Variants in ARIH1 observed in about 807,000 individuals in gnomAD.
ARIH1 encodes E3 ubiquitin-protein ligase ARIH1.
Under a neutral mutation model 85.0 loss-of-function variants are expected in ARIH1, and 8 were observed. The observed-to-expected ratio is 0.09, with a 90% CI of 0.06 to 0.17. The LOEUF is 0.17. ARIH1 is among the 10% of genes least tolerant of loss of function. The pLI, the probability that ARIH1 is intolerant of heterozygous loss-of-function variation, is 1.00. For synonymous variants in ARIH1, 238 were observed against 253.6 expected (o/e 0.94, Z 0.59); for missense variants, 311 against 718.1 (o/e 0.43, Z 6.48).
chr15:72,584,117 T>A lies in ARIH1; in HGVS notation c.*825T>A, dbSNP rs1463639506. The A allele has an allele frequency of 6.6e-6, 1 of 152,196 alleles. No individual in the cohort carries two copies. The highest frequency in any genetic ancestry group is 1.5e-5 in the Non-Finnish European group (1 of 68,050). The allele number at this position is 152,196 out of a possible 1,614,324, so 9.4% of individuals were successfully genotyped here. On this transcript the variant is annotated 3_prime_UTR_variant, in exon 14 of 14. Coordinates refer to ENST00000379887, the MANE Select transcript of ARIH1 (RefSeq NM_005744.5). ...TCTGGAAGACCTATCTAGAGCTCTT[T>A]CACTTTCCTGAGGTTATTTTGCCCT... is the stretch of plus-strand genomic sequence containing the variant.
Position 72,478,334 on chromosome 15 carries a change from C to A in ARIH1, c.375+3320C>A, listed in dbSNP as rs1261347721. Among the ~76,000 whole-genome samples, 5 of 150,052 alleles carry A rather than the reference C, an allele frequency of 3.3e-5. 1 individual carries two copies. The South Asian group carries it at 1.1e-3, about 32-fold the overall frequency. On this transcript the variant is annotated intron_variant, in intron 1 of 13. Transcript: ENST00000379887. ...GTTTCACCATGTTGGCCAGGCTGGT[C>A]TTGAACTCCTGAACCCAGGTGATCC...
Position 72,517,391 on chromosome 15 carries a change from C to T in ARIH1, c.376-676C>T, listed in dbSNP as rs570251405. ...GGTTAGGACTATAGGCACATGCGAT[C>T]GTGCCTGAGTGTTGGAAATTTTCCT... is the stretch of plus-strand genomic sequence containing the variant. On this transcript the variant is annotated intron_variant, in intron 1 of 13. Transcript: ENST00000379887. 7.2e-5 allele frequency among the ~76,000 whole-genome samples: 11 copies of T among 152,092 alleles called. No individual in the cohort carries two copies. The South Asian group carries it at 1.7e-3, about 23-fold the overall frequency.
chr15:72,545,706 A>G (rs559102629), intron 3 of ARIH1, among the ~76,000 whole-genome samples: 16 of 152,222 alleles, frequency 1.1e-4, no homozygotes, highest in Non-Finnish European at 1.6e-4. Context: ...GTGCATGTCT[A>G]TAATCCCAGC....
chr15:72,476,125 T>C (rs2063794018), intron 1 of ARIH1, among the ~76,000 whole-genome samples: 1 of 152,258 alleles, frequency 6.6e-6, no homozygotes, highest in Admixed American at 6.5e-5. Flanking sequence ...GTTGGCTAAA[T>C]ATTCATTGAC....
chr15:72,560,671 G>C (rs1264330774), intron 5 of ARIH1, among the ~76,000 whole-genome samples: 1 of 152,172 alleles, frequency 6.6e-6, no homozygotes, highest in Admixed American at 6.6e-5. Flanking sequence ...ATACGAATGT[G>C]ATAGGAGTGC....
In ARIH1 at chr15:72,529,255, T is replaced by G. The variant is rs10438369; in HGVS notation, c.443+11121T>G. 4.4e-3 allele frequency among the ~76,000 whole-genome samples: 676 copies of G among 152,244 alleles called. 7 individuals are homozygous for G. The highest frequency in any genetic ancestry group is 0.016 in the African/African-American group (651 of 41,558). The stretch of plus-strand genomic sequence containing the variant: ...TAGTACAGTGATTAAGAACACAGAA[T>G]TCTTGCTCCCCCTATCTCACTATCT... On this transcript the variant is annotated intron_variant, in intron 2 of 13. Transcript: ENST00000379887.
At position 72,588,625 on chromosome 15, in the gene ARIH1, G is replaced by A. The variant is rs1378540056; in HGVS notation, c.*5333G>A. 2 of 152,284 alleles carry A rather than the reference G, an allele frequency of 1.3e-5. No individual in the cohort carries two copies. Among genetic ancestry groups the A allele is most frequent in the African/African-American group, 4.8e-5 (2 of 41,558 alleles). 9.4% of individuals were successfully genotyped at this position (152,284 alleles called of 1,614,324 possible). On this transcript the variant is annotated 3_prime_UTR_variant, in exon 14 of 14. Transcript: ENST00000379887. ...CAAAATGATTCAAGGCAAATTGACT[G>A]GCTCAGAATAGGGCCTCACTGGAGG...
chr15:72,576,609 T>C (rs1273509535), intron 11 of ARIH1, among the ~76,000 whole-genome samples: 2 of 152,118 alleles, frequency 1.3e-5, no homozygotes, highest in Admixed American at 1.3e-4. Context: ...CTTTATCTTT[T>C]TAAAAGTCCA....
At chr15:72,485,958 A>C (rs1185376327) in intron 1 of ARIH1, among the ~76,000 whole-genome samples, 1 of 152,206 alleles carries the variant, frequency 6.6e-6, no homozygotes, top group Non-Finnish European at 1.5e-5. Context: ...TTTGGGGCCC[A>C]TGGAGATAGT....
intron 2 of ARIH1, among the ~76,000 whole-genome samples, chr15:72,539,966 A>G (rs1269638026): frequency 6.6e-6 from 1 of 152,206 alleles, no homozygotes; most frequent in African/African-American, 2.4e-5. Flanking sequence ...GCTACATGAT[A>G]TAAAAACAAT....
Position 72,474,721 on chromosome 15 carries a change from G to A in ARIH1, c.82G>A (p.Glu28Lys). ...GGAGGACAGCGGCGCCGAGGAGGAGGAGGACGAAGACGACGACGAGCCGGA... is the reference window on the plus strand; with the variant it reads ...GGAGGACAGCGGCGCCGAGGAGGAGAAGGACGAAGACGACGACGAGCCGGA... ...SEEDSGAEEE[E>K]DEDDDEPDDD... Residue 28 changes from glutamate (E) to lysine (K), a missense_variant, in exon 1 of 14, where the codon GAG becomes AAG. By Grantham distance (56) the Glu-to-Lys change is moderately conservative. Transcript: ENST00000379887. 6.4e-7 allele frequency: 1 copy of A among 1,566,480 alleles called. No individual in the cohort carries two copies. Among genetic ancestry groups the A allele is most frequent in the Non-Finnish European group, 8.6e-7 (1 of 1,157,636 alleles).
chr15:72,525,244 A>T (rs555733739), intron 2 of ARIH1, among the ~76,000 whole-genome samples: 1 of 152,080 alleles, frequency 6.6e-6, no homozygotes. Context: ...TCGGGGGAAA[A>T]TTTTTTCGTT....
chr15:72,540,667 A>G (rs2064103071), intron 2 of ARIH1, among the ~76,000 whole-genome samples: 1 of 152,140 alleles, frequency 6.6e-6, no homozygotes, highest in African/African-American at 2.4e-5. Context: ...TCAAAAAGCT[A>G]TAAACTCCAA....
At chr15:72,504,066 A>T (rs532195935) in intron 1 of ARIH1, among the ~76,000 whole-genome samples, 15 of 152,134 alleles carry the variant, frequency 9.9e-5, no homozygotes, top group African/African-American at 3.6e-4. Flanking sequence ...TTATTTATTT[A>T]TTTTTTAGAT....
chr15:72,602,645 C>A lies in ARIH1; in HGVS notation c.*19353C>A, dbSNP rs1057216008. On this transcript the variant is annotated 3_prime_UTR_variant, in exon 14 of 14. Coordinates refer to ENST00000379887, the MANE Select transcript of ARIH1 (RefSeq NM_005744.5). Reference sequence around the variant, plus strand: ...AAAATTGGAAGTCTTAAGGTGTAGTCTATTTTATGCAGTGTGAGGCCTTTC... The same window carrying A: ...AAAATTGGAAGTCTTAAGGTGTAGTATATTTTATGCAGTGTGAGGCCTTTC... 5.9e-5 allele frequency: 9 copies of A among 152,164 alleles called. No homozygotes were observed. The highest frequency in any genetic ancestry group is 2.2e-4 in the African/African-American group (9 of 41,432). The allele number at this position is 152,164 out of a possible 1,614,324, so 9.4% of individuals were successfully genotyped here.
In ARIH1 at chr15:72,567,099, C is replaced by T; in HGVS notation, c.955-7C>T. ...GTTGTATCCTAACCGTTGTTATTTTCAAACAGTGGTTAAAGAAATGGATTA... is the reference window on the plus strand; with the variant it reads ...GTTGTATCCTAACCGTTGTTATTTTTAAACAGTGGTTAAAGAAATGGATTA... On this transcript the variant is annotated splice_polypyrimidine_tract_variant and splice_region_variant and intron_variant, in intron 8 of 13. Coordinates refer to ENST00000379887, the MANE Select transcript of ARIH1 (RefSeq NM_005744.5). 6.2e-7 allele frequency: 1 copy of T among 1,602,846 alleles called. No individual in the cohort carries two copies. Among genetic ancestry groups the T allele is most frequent in the African/African-American group, 1.3e-5 (1 of 74,336 alleles).
chr15:72,542,447 T>G (rs1312310868), intron 2 of ARIH1, among the ~76,000 whole-genome samples: 2 of 152,160 alleles, frequency 1.3e-5, no homozygotes, highest in Admixed American at 6.5e-5. Context: ...AATAAATAAA[T>G]ACAAGTTAAG....
chr15:72,490,839 A>T (rs2063856229), intron 1 of ARIH1, among the ~76,000 whole-genome samples: 1 of 152,106 alleles, frequency 6.6e-6, no homozygotes, highest in Non-Finnish European at 1.5e-5. Context: ...GCAGATTAGG[A>T]TAAAAGATTT....
intron 11 of ARIH1, among the ~76,000 whole-genome samples, chr15:72,576,505 CAAAAAAAAAAAAAAA>C (rs35725065): frequency 4.7e-5 from 3 of 63,276 alleles, no homozygotes; most frequent in Admixed American, 2.4e-4. Context: ...GACTCTGTCT[CAAAAAAAAAAAAAAA>C]AAAAAAAAAA....
Sources: allele counts gnomAD v4.1 joint callset (sites outside exome capture counted in the v4.1 genomes callset), GRCh38; gene constraint gnomAD v4.1.1; transcripts MANE v1.5; gene names NCBI Gene and HGNC (gene_info 2026-07-23, HGNC 2026-07-21).